Variants in RALYL observed in about 807,000 individuals in gnomAD.
RALYL encodes RNA-binding Raly-like protein.
Under a neutral mutation model 35.1 loss-of-function variants are expected in RALYL, and 29 were observed. That is an observed-to-expected ratio of 0.83 (90% CI 0.61 to 1.13). RALYL has a LOEUF of 1.13. Among genes scored for constraint, RALYL ranks in the 50% most tolerant of loss-of-function variants. RALYL has a pLI of 0.00. For missense variants in RALYL, 359 were observed against 360.4 expected (o/e 1.00, Z 0.03); for synonymous variants, 120 against 127.6 (o/e 0.94, Z 0.40).
Position 84,613,860 on chromosome 8 carries a change from T to TTATA in RALYL, c.256+84302_256+84305dup, listed in dbSNP as rs34184283. On this transcript the variant is annotated intron_variant, in intron 2 of 8. Coordinates refer to ENST00000521268, the MANE Select transcript of RALYL (RefSeq NM_173848.7). ...TTACTTTAAACAATTTTCTTCAGAT[T>TTATA]TATATATATATATATATATATAATA... 4.6e-3 allele frequency among the ~76,000 whole-genome samples: 650 copies of TTATA among 142,108 alleles called. 6 individuals carry two copies. The highest frequency in any genetic ancestry group is 9.5e-3 in the Admixed American group (134 of 14,090). The allele number at this position is 142,108 out of a possible 152,430, so 93.2% of individuals were successfully genotyped here.
At chr8:84,743,471 T>C (rs775590666) in intron 2 of RALYL, among the ~76,000 whole-genome samples, 53 of 152,128 alleles carry the variant, frequency 3.5e-4, no homozygotes, top group Admixed American at 6.6e-4. Flanking sequence ...GGAGACGCTG[T>C]CAATTTATGC....
At chr8:84,687,212 A>T (rs1836986867) in intron 2 of RALYL, among the ~76,000 whole-genome samples, 2 of 152,284 alleles carry the variant, frequency 1.3e-5, no homozygotes, top group African/African-American at 4.8e-5. Flanking sequence ...GTATTCTTAT[A>T]TTACATGGAT....
At chr8:84,720,793 CA>C (rs199507643) in intron 2 of RALYL, among the ~76,000 whole-genome samples, 519 of 146,558 alleles carry the variant, frequency 3.5e-3, no homozygotes, top group African/African-American at 0.012. Flanking sequence ...AACTCAATAG[CA>C]AAAAAAAACA....
intron 1 of RALYL, among the ~76,000 whole-genome samples, chr8:84,232,678 A>C (rs374378732): frequency 2.6e-5 from 4 of 152,208 alleles, no homozygotes; most frequent in African/African-American, 9.6e-5. Flanking sequence ...ACATGTAAAT[A>C]TACTTAAAAA....
At chr8:84,898,783 G>A (rs559057083) in intron 8 of RALYL, among the ~76,000 whole-genome samples, 1 of 152,056 alleles carries the variant, frequency 6.6e-6, no homozygotes, top group African/African-American at 2.4e-5. Context: ...ACCTGATCCT[G>A]GTGAACACCC....
chr8:84,631,029 G>T (rs1289665198), intron 2 of RALYL, among the ~76,000 whole-genome samples: 1 of 151,974 alleles, frequency 6.6e-6, no homozygotes, highest in East Asian at 1.9e-4. Flanking sequence ...ATTCTAGAAG[G>T]CATATAGTTA....
At chr8:84,471,135 A>G in intron 1 of RALYL, among the ~76,000 whole-genome samples, 1 of 152,202 alleles carries the variant, frequency 6.6e-6, no homozygotes, top group East Asian at 1.9e-4. Context: ...GTAAGTGTTG[A>G]TTTTCTAATT....
chr8:84,256,772 G>A (rs12682650), intron 1 of RALYL, among the ~76,000 whole-genome samples: 69,032 of 151,766 alleles, frequency 0.45, 15,892 homozygotes, highest in East Asian at 0.53. Context: ...TACCACAACG[G>A]TCATGCTCAC....
chr8:84,507,146 AAAC>A (rs2057237204), intron 1 of RALYL, among the ~76,000 whole-genome samples: 1 of 152,050 alleles, frequency 6.6e-6, no homozygotes, highest in Admixed American at 6.6e-5. Context: ...TCCTTTTCTT[AAAC>A]AACAACAAAT....
At chr8:84,257,688 C>T (rs1831452508) in intron 1 of RALYL, among the ~76,000 whole-genome samples, 1 of 152,082 alleles carries the variant, frequency 6.6e-6, no homozygotes, top group South Asian at 2.1e-4. Context: ...AGGCAACAGA[C>T]ACTTGTCATA....
chr8:84,823,385 T>A (rs1828933560), intron 4 of RALYL, among the ~76,000 whole-genome samples: 2 of 152,094 alleles, frequency 1.3e-5, no homozygotes, highest in Non-Finnish European at 2.9e-5. Context: ...ATCTGTAACA[T>A]AAGTCATTCC....
intron 4 of RALYL, among the ~76,000 whole-genome samples, chr8:84,815,348 G>A (rs977424766): frequency 6.7e-6 from 1 of 148,168 alleles, no homozygotes; most frequent in Non-Finnish European, 1.5e-5. Flanking sequence ...TTTAATAAAT[G>A]TCTATTTTTT....
At chr8:84,602,569 C>T (rs1397224424) in intron 2 of RALYL, among the ~76,000 whole-genome samples, 2 of 152,076 alleles carry the variant, frequency 1.3e-5, no homozygotes, top group Non-Finnish European at 2.9e-5. Flanking sequence ...CACTGAGATC[C>T]TTCAGGATTT....
At chr8:84,214,724 T>A (rs1224716446) in intron 1 of RALYL, among the ~76,000 whole-genome samples, 1 of 152,144 alleles carries the variant, frequency 6.6e-6, no homozygotes, top group African/African-American at 2.4e-5. Flanking sequence ...ACTGTCATGT[T>A]ACCAGTGTCT....
At chr8:84,472,311 T>C (rs1175174108) in intron 1 of RALYL, among the ~76,000 whole-genome samples, 1 of 152,102 alleles carries the variant, frequency 6.6e-6, no homozygotes, top group Non-Finnish European at 1.5e-5. Context: ...ATTTTTATAA[T>C]ACAGGACAAA....
At chr8:84,336,445 A>T (rs1014951203) in intron 1 of RALYL, among the ~76,000 whole-genome samples, 24 of 152,136 alleles carry the variant, frequency 1.6e-4, no homozygotes, top group Non-Finnish European at 4.4e-5. Context: ...GAAAAAAGTA[A>T]TGTATGAGTA....
intron 2 of RALYL, among the ~76,000 whole-genome samples, chr8:84,557,626 A>G (rs143314698): frequency 6.6e-6 from 1 of 152,370 alleles, no homozygotes; most frequent in East Asian, 1.9e-4. Context: ...ATTTAAACAT[A>G]GCCACCTTTT....
chr8:84,863,839 A>C (rs1032617722), intron 6 of RALYL, among the ~76,000 whole-genome samples: 17 of 152,204 alleles, frequency 1.1e-4, no homozygotes, highest in Admixed American at 6.5e-4. Context: ...TTATGTATTC[A>C]TGTATCTATT....
intron 1 of RALYL, among the ~76,000 whole-genome samples, chr8:84,395,210 A>G (rs1455381500): frequency 6.6e-6 from 1 of 151,836 alleles, no homozygotes; most frequent in Non-Finnish European, 1.5e-5. Context: ...ATATACATAC[A>G]TGTAGTGAAG....
Sources: allele counts gnomAD v4.1 joint callset (sites outside exome capture counted in the v4.1 genomes callset), GRCh38; gene constraint gnomAD v4.1.1; transcripts MANE v1.5; gene names NCBI Gene and HGNC (gene_info 2026-07-23, HGNC 2026-07-21).